TMEM74: variants seen among roughly 807,000 people sequenced by gnomAD.
TMEM74 encodes the protein transmembrane protein 74.
In TMEM74, 13 loss-of-function variants were observed where a neutral mutation model predicts 18.1. That is an observed-to-expected ratio of 0.72 (90% CI 0.47 to 1.14). TMEM74 has a LOEUF of 1.14. TMEM74 is among the 50% of genes most tolerant of loss of function. TMEM74 has a pLI of 0.00. For missense variants in TMEM74, 372 were observed against 375.9 expected, an observed-to-expected ratio of 0.99 and a Z score of 0.09; for synonymous variants, 159 against 146.6, an observed-to-expected ratio of 1.08 and a Z score of -0.61.
intron 2 of TMEM74, among the ~76,000 whole-genome samples, chr8:108,624,031 T>A (rs188136314): frequency 6.6e-6 from 1 of 152,098 alleles, no homozygotes; most frequent in South Asian, 2.1e-4. Context: ...CATAGTCAGA[T>A]TTCCCAGTGC....
chr8:108,766,013 C>T (rs1018506416), intron 1 of TMEM74, among the ~76,000 whole-genome samples: 1 of 152,076 alleles, frequency 6.6e-6, no homozygotes, highest in African/African-American at 2.4e-5. Context: ...TTTTCAGTAG[C>T]ATTAGCATAA....
intron 1 of TMEM74, among the ~76,000 whole-genome samples, chr8:108,726,629 A>G (rs569838663): frequency 1.3e-5 from 2 of 152,274 alleles, no homozygotes; most frequent in African/African-American, 4.8e-5. Context: ...TGAGGGATTC[A>G]TCAGTAAACA....
chr8:108,742,184 T>G (rs1813807569), intron 1 of TMEM74, among the ~76,000 whole-genome samples: 1 of 152,020 alleles, frequency 6.6e-6, no homozygotes, highest in Admixed American at 6.6e-5. Flanking sequence ...AAAAAATAAC[T>G]ATTGGGTACG....
intron 1 of TMEM74, among the ~76,000 whole-genome samples, chr8:108,773,217 G>A (rs1409201065): frequency 6.6e-6 from 1 of 151,986 alleles, no homozygotes; most frequent in Non-Finnish European, 1.5e-5. Context: ...CACACCCACA[G>A]ACTTGTTTCC....
intron 1 of TMEM74, among the ~76,000 whole-genome samples, chr8:108,693,596 T>C (rs1813251365): frequency 6.6e-6 from 1 of 152,222 alleles, no homozygotes; most frequent in African/African-American, 2.4e-5. Context: ...TGACATCTAA[T>C]TGTTGGCATG....
At chr8:108,754,281 CTGT>C (rs1813933875) in intron 1 of TMEM74, among the ~76,000 whole-genome samples, 2 of 151,936 alleles carry the variant, frequency 1.3e-5, no homozygotes, top group African/African-American at 4.8e-5. Context: ...TCATTTTATA[CTGT>C]TAATAGATTT....
At chr8:108,621,328 T>A (rs543901429) in intron 2 of TMEM74, among the ~76,000 whole-genome samples, 24 of 152,276 alleles carry the variant, frequency 1.6e-4, no homozygotes, top group African/African-American at 5.8e-4. Context: ...TATTTATTTA[T>A]CAATTCCTGT....
chr8:108,738,750 C>A (rs1029557740), intron 1 of TMEM74, among the ~76,000 whole-genome samples: 1 of 152,042 alleles, frequency 6.6e-6, no homozygotes, highest in Non-Finnish European at 1.5e-5. Context: ...AGTGAAATAA[C>A]AAAATAAAAG....
At chr8:108,678,017 C>T (rs538512894) in intron 1 of TMEM74, among the ~76,000 whole-genome samples, 1 of 152,144 alleles carries the variant, frequency 6.6e-6, no homozygotes, top group East Asian at 1.9e-4. Flanking sequence ...TTGACCATGG[C>T]CATGTGTAGA....
At chr8:108,737,507 G>T (rs905144628) in intron 1 of TMEM74, among the ~76,000 whole-genome samples, 1 of 152,098 alleles carries the variant, frequency 6.6e-6, no homozygotes, top group Non-Finnish European at 1.5e-5. Flanking sequence ...TAAATGTGTA[G>T]ATTCTAAATA....
intron 1 of TMEM74, among the ~76,000 whole-genome samples, chr8:108,672,104 C>T (rs915780575): frequency 1.3e-5 from 2 of 152,138 alleles, no homozygotes; most frequent in Admixed American, 6.6e-5. Flanking sequence ...GAATTTGGAG[C>T]GGGCAGGCAC....
chr8:108,765,277 G>A (rs1175751187), intron 1 of TMEM74, among the ~76,000 whole-genome samples: 4 of 152,066 alleles, frequency 2.6e-5, no homozygotes, highest in Non-Finnish European at 5.9e-5. Context: ...TGCTCTCACT[G>A]TCAGTGATAC....
chr8:108,774,016 TCTAAA>T (rs1814201584), downstream of TMEM74, among the ~76,000 whole-genome samples: 1 of 152,198 alleles, frequency 6.6e-6, no homozygotes, highest in African/African-American at 2.4e-5. Context: ...CGAAATGTGA[TCTAAA>T]CTAAGATTTT....
At chr8:108,697,079 A>C (rs1813288005) in intron 1 of TMEM74, among the ~76,000 whole-genome samples, 1 of 152,176 alleles carries the variant, frequency 6.6e-6, no homozygotes, top group African/African-American at 2.4e-5. Flanking sequence ...ATGTGTCCAC[A>C]GTAGAAAGGC....
intron 1 of TMEM74, among the ~76,000 whole-genome samples, chr8:108,700,239 C>T (rs141815363): frequency 4.0e-5 from 6 of 151,712 alleles, no homozygotes; most frequent in African/African-American, 1.5e-4. Flanking sequence ...TAATAAGAAA[C>T]TCAGTGGGGG....
chr8:108,609,159 A>G (rs561587326), intron 2 of TMEM74, among the ~76,000 whole-genome samples: 2 of 152,346 alleles, frequency 1.3e-5, no homozygotes, highest in East Asian at 3.9e-4. Context: ...CTGAGAATGC[A>G]CATAAGCAAG....
intron 2 of TMEM74, among the ~76,000 whole-genome samples, chr8:108,622,751 T>C (rs1812456261): frequency 6.6e-6 from 1 of 152,150 alleles, no homozygotes; most frequent in Non-Finnish European, 1.5e-5. Context: ...GATGGGAATC[T>C]ATCTGAATAA....
chr8:108,760,431 T>C (rs1023610053), intron 1 of TMEM74, among the ~76,000 whole-genome samples: 3 of 151,862 alleles, frequency 2.0e-5, no homozygotes, highest in African/African-American at 7.3e-5. Context: ...AAGAGATGAG[T>C]TGCCAGTAGC....
At chr8:108,669,490 A>C (rs1339741701) in intron 1 of TMEM74, among the ~76,000 whole-genome samples, 1 of 152,202 alleles carries the variant, frequency 6.6e-6, no homozygotes. Context: ...ATATGCTGTA[A>C]GGAGTAGAAG....
Sources: gnomAD v4.1 joint callset for allele counts (sites outside exome capture counted in the v4.1 genomes callset) on GRCh38, gnomAD v4.1.1 for gene constraint, MANE v1.5 for transcripts, NCBI Gene and HGNC (gene_info 2026-07-23, HGNC 2026-07-21) for gene names.